TMIGD3: variants seen among roughly 807,000 people sequenced by gnomAD.
TMIGD3 encodes transmembrane and immunoglobulin domain containing 3.
In TMIGD3, 21 loss-of-function variants were observed where a neutral mutation model predicts 28.1. The ratio of observed to expected loss-of-function variants is 0.75; its 90% confidence interval spans 0.53 to 1.08. The LOEUF is 1.08. Among genes scored for constraint, TMIGD3 ranks in the 50% least tolerant of loss-of-function variants. TMIGD3 has a pLI of 0.00. For missense variants in TMIGD3, 416 were observed against 435.6 expected, an observed-to-expected ratio of 0.96 and a Z score of 0.40; for synonymous variants, 151 against 162.1, an observed-to-expected ratio of 0.93 and a Z score of 0.52.
chr1:111,504,078 C>T (rs534194162), upstream of TMIGD3: 123 of 985,432 alleles, frequency 1.2e-4, no homozygotes, highest in Middle Eastern at 3.7e-3. Context: ...CACGAGTTGA[C>T]GCTTTGCTGA....
intron 1 of TMIGD3, among the ~76,000 whole-genome samples, chr1:111,547,153 G>A (rs888300183): frequency 2.6e-5 from 4 of 152,096 alleles, no homozygotes; most frequent in Non-Finnish European, 5.9e-5. Flanking sequence ...AGTGAGAATA[G>A]TAATTTTCTT....
intron 1 of TMIGD3, among the ~76,000 whole-genome samples, chr1:111,561,423 C>T (rs1264467532): frequency 6.6e-6 from 1 of 152,182 alleles, no homozygotes; most frequent in Non-Finnish European, 1.5e-5. Context: ...TGCCCAGCTC[C>T]AATCATTAAT....
intron 1 of TMIGD3, among the ~76,000 whole-genome samples, chr1:111,508,926 C>T (rs1201470955): frequency 6.6e-6 from 1 of 152,202 alleles, no homozygotes; most frequent in Admixed American, 6.5e-5. Context: ...GAAACCCCGT[C>T]TCGACTAAAA....
At chr1:111,504,956 AG>A (rs570640574), upstream of TMIGD3, 152 of 985,324 alleles carry the variant, frequency 1.5e-4, 3 homozygotes, top group South Asian at 5.9e-3. Context: ...CCATCATTCT[AG>A]TATTTTCCAA....
At chr1:111,526,502 T>C (rs1656267556) in intron 1 of TMIGD3, among the ~76,000 whole-genome samples, 1 of 152,182 alleles carries the variant, frequency 6.6e-6, no homozygotes, top group Non-Finnish European at 1.5e-5. Context: ...TGCAGAACTG[T>C]GAGTCAATTA....
At chr1:111,542,977 G>A (rs796087641) in intron 1 of TMIGD3, among the ~76,000 whole-genome samples, 4 of 152,268 alleles carry the variant, frequency 2.6e-5, no homozygotes, top group African/African-American at 9.6e-5. Context: ...GATTACAAGC[G>A]TGAGTGAGCC....
At chr1:111,516,559 C>A (rs995309016) in intron 1 of TMIGD3, among the ~76,000 whole-genome samples, 1 of 152,232 alleles carries the variant, frequency 6.6e-6, no homozygotes, top group African/African-American at 2.4e-5. Context: ...GACCCTCCTA[C>A]GCCCTCAACA....
At chr1:111,550,322 T>C (rs1417492220) in intron 1 of TMIGD3, among the ~76,000 whole-genome samples, 1 of 152,178 alleles carries the variant, frequency 6.6e-6, no homozygotes, top group East Asian at 1.9e-4. Flanking sequence ...AATCTCTTTT[T>C]CATTTACTTT....
At chr1:111,492,496 A>AT (rs1315979008) in intron 1 of TMIGD3, among the ~76,000 whole-genome samples, 2 of 152,314 alleles carry the variant, frequency 1.3e-5, no homozygotes, top group South Asian at 2.1e-4. Flanking sequence ...TTGTGCACAG[A>AT]TATCAGCAAA....
At chr1:111,500,409 G>T (rs768837422) in intron 1 of TMIGD3, 1 of 1,614,206 alleles carries the variant, frequency 6.2e-7, no homozygotes, top group Non-Finnish European at 8.5e-7. Context: ...AAACAAATTG[G>T]CATGAAAGGA....
At chr1:111,509,129 G>A (rs1360407563) in intron 1 of TMIGD3, among the ~76,000 whole-genome samples, 3 of 152,168 alleles carry the variant, frequency 2.0e-5, no homozygotes, top group Non-Finnish European at 2.9e-5. Flanking sequence ...CACCAGGATG[G>A]GAGCCCAGCT....
chr1:111,522,425 C>A (rs142830436), intron 1 of TMIGD3, among the ~76,000 whole-genome samples: 1,667 of 152,084 alleles, frequency 0.011, 30 homozygotes, highest in African/African-American at 0.035. Context: ...CTTTATTTGT[C>A]GTTCTTTAAT....
intron 2 of TMIGD3, chr1:111,489,429 G>T: frequency 2.3e-6 from 1 of 435,116 alleles, no homozygotes; most frequent in African/African-American, 2.1e-5. Flanking sequence ...GCCTCAGAAT[G>T]AAACCAAACT....
At chr1:111,501,666 C>T (rs532274616) in intron 1 of TMIGD3, among the ~76,000 whole-genome samples, 3 of 152,126 alleles carry the variant, frequency 2.0e-5, no homozygotes, top group South Asian at 2.1e-4. Context: ...GGGGCTAAAA[C>T]TAAAACAAGG....
intron 1 of TMIGD3, among the ~76,000 whole-genome samples, chr1:111,491,459 C>A (rs1291566296): frequency 2.0e-5 from 3 of 152,242 alleles, no homozygotes; most frequent in Non-Finnish European, 2.9e-5. Flanking sequence ...TGAATCACCT[C>A]TCAGGTGAAG....
At chr1:111,500,258 CTT>C (rs1655100439) in intron 1 of TMIGD3, 1 of 1,614,060 alleles carries the variant, frequency 6.2e-7, no homozygotes, top group African/African-American at 1.3e-5. Context: ...GCACCTGTCT[CTT>C]TGGAGTTAGA....
intron 1 of TMIGD3, chr1:111,500,909 T>C (rs529502687): frequency 4.9e-4 from 180 of 369,448 alleles, no homozygotes; most frequent in Non-Finnish European, 6.9e-4. Context: ...CTGTTACCTA[T>C]CTTTTCTTTT....
intron 1 of TMIGD3, among the ~76,000 whole-genome samples, chr1:111,561,512 G>T (rs1657735582): frequency 6.6e-6 from 1 of 152,136 alleles, no homozygotes; most frequent in African/African-American, 2.4e-5. Context: ...TGTATTGGGG[G>T]AAGGAGGGAG....
At chr1:111,542,321 A>G in intron 1 of TMIGD3, 1 of 488,800 alleles carries the variant, frequency 2.0e-6, no homozygotes, top group African/African-American at 2.0e-5. Flanking sequence ...AGAAGTTAAA[A>G]GAGAAGTGTC....
Sources: gnomAD v4.1 joint callset for allele counts (sites outside exome capture counted in the v4.1 genomes callset) on GRCh38, gnomAD v4.1.1 for gene constraint, MANE v1.5 for transcripts, NCBI Gene and HGNC (gene_info 2026-07-23, HGNC 2026-07-21) for gene names.